Variants in DYNLRB2 observed in about 807,000 individuals in gnomAD.
The protein encoded by DYNLRB2 is dynein light chain roadblock-type 2, also known as bithoraxoid-like protein.
Under a neutral mutation model 12.6 loss-of-function variants are expected in DYNLRB2, and 14 were observed. The observed-to-expected ratio is 1.11, with a 90% confidence interval of 0.73 to 1.73. DYNLRB2 has a LOEUF of 1.73. Among genes scored for constraint, DYNLRB2 ranks in the 40% most tolerant of loss-of-function variants. The pLI, the probability that DYNLRB2 is intolerant of heterozygous loss-of-function variation, is 0.00. For missense variants in DYNLRB2, 142 were observed against 117.7 expected (o/e 1.21, Z -0.95); for synonymous variants, 53 against 37.0 (o/e 1.43, Z -1.57).
intron 1 of DYNLRB2, among the ~76,000 whole-genome samples, chr16:80,542,057 A>C (rs1904293059): frequency 6.6e-6 from 1 of 152,142 alleles, no homozygotes. Flanking sequence ...CCTTAATACC[A>C]CTGTCATTTG....
At chr16:80,541,814 A>AGC (rs1904291105) in intron 1 of DYNLRB2, among the ~76,000 whole-genome samples, 1 of 152,186 alleles carries the variant, frequency 6.6e-6, no homozygotes, top group South Asian at 2.1e-4. Context: ...GGCTGTAAGA[A>AGC]GCTGTGGACA....
rs747329910 is a variant in DYNLRB2, at chr16:80,549,481, T to C, written c.80-3T>C. On this transcript the variant is annotated splice_region_variant and splice_polypyrimidine_tract_variant and intron_variant, in intron 2 of 3. Coordinates refer to ENST00000305904, the MANE Select transcript of DYNLRB2 (RefSeq NM_130897.3). ...TATTAACCAAAATTAAATTTCATAA[T>C]AGGTATTCCCATCCGAACAACCTTG... is the stretch of plus-strand genomic sequence containing the variant. 1 of 1,580,684 alleles carries C rather than the reference T, an allele frequency of 6.3e-7. No homozygotes were observed. The highest frequency in any genetic ancestry group is 1.2e-5 in the South Asian group (1 of 85,896).
intron 2 of DYNLRB2, among the ~76,000 whole-genome samples, chr16:80,545,041 G>A (rs188705093): frequency 5.3e-5 from 8 of 152,226 alleles, no homozygotes; most frequent in African/African-American, 1.4e-4. Flanking sequence ...TGGGGATTTG[G>A]GGGGTCTAGG....
At chr16:80,540,902 G>A (rs551723425), upstream of DYNLRB2, 13 of 1,173,234 alleles carry the variant, frequency 1.1e-5, no homozygotes, top group African/African-American at 1.7e-4. Flanking sequence ...ACGGCGGCCG[G>A]GAGGCATCAG....
chr16:80,543,830 T>C (rs963323826), intron 2 of DYNLRB2, among the ~76,000 whole-genome samples: 1 of 152,240 alleles, frequency 6.6e-6, no homozygotes. Flanking sequence ...ATAGTCTTTG[T>C]GGATATAGCA....
intron 2 of DYNLRB2, chr16:80,548,798 C>A: frequency 1.2e-5 from 4 of 329,312 alleles, no homozygotes; most frequent in South Asian, 2.5e-5. Context: ...GGGTGCAAAC[C>A]ACGGAATGCA....
intron 2 of DYNLRB2, among the ~76,000 whole-genome samples, chr16:80,548,635 T>C (rs763274098): frequency 3.3e-5 from 5 of 151,448 alleles, no homozygotes; most frequent in Non-Finnish European, 5.9e-5. Context: ...GGCAGGAGAA[T>C]TGCTGGAACC....
At position 80,549,657 on chromosome 16, in the gene DYNLRB2, T is replaced by C; in HGVS notation, c.247+6T>C. ...TGAAATCATGGTAGCTCCAGGTAATTTGGCATTTCATTTCCTAGTTAAATC... is the reference window on the plus strand; with the variant it reads ...TGAAATCATGGTAGCTCCAGGTAATCTGGCATTTCATTTCCTAGTTAAATC... On this transcript the variant is annotated splice_donor_region_variant and intron_variant, in intron 3 of 3. Coordinates refer to ENST00000305904, the MANE Select transcript of DYNLRB2 (RefSeq NM_130897.3). The C allele has an allele frequency of 6.3e-7, 1 of 1,578,936 alleles. No individual in the cohort carries two copies. Among genetic ancestry groups the C allele is most frequent in the Non-Finnish European group, 8.6e-7 (1 of 1,156,218 alleles).
chr16:80,540,885 T>C (rs1159734807), upstream of DYNLRB2: 5 of 1,008,046 alleles, frequency 5.0e-6, no homozygotes, highest in Non-Finnish European at 7.7e-6. Flanking sequence ...TCCGCGAACC[T>C]TCGCCTACGG....
chr16:80,550,445 A>C (rs8182107), intron 3 of DYNLRB2, 70 bp from the exon 4 acceptor site: 399,038 of 1,578,860 alleles, frequency 0.25, 51,795 homozygotes, highest in Middle Eastern at 0.38. Context: ...AAGAAAAAAG[A>C]AGACTAGTTG....
chr16:80,547,684 A>G (rs1904563148), intron 2 of DYNLRB2: 1 of 451,450 alleles, frequency 2.2e-6, no homozygotes, highest in South Asian at 1.6e-5. Flanking sequence ...TAGGATGCAA[A>G]ATAAAACTGC....
chr16:80,544,475 G>A (rs1441382825), intron 2 of DYNLRB2, among the ~76,000 whole-genome samples: 1 of 152,180 alleles, frequency 6.6e-6, no homozygotes, highest in Non-Finnish European at 1.5e-5. Context: ...TGCCTTCCAG[G>A]TAAGTCACAA....
At chr16:80,549,198 A>G (rs1304811765) in intron 2 of DYNLRB2, 2 of 358,552 alleles carry the variant, frequency 5.6e-6, no homozygotes, top group East Asian at 1.1e-4. Flanking sequence ...GCAGTTATTA[A>G]AAATAATGTT....
At chr16:80,544,487 C>T (rs1244856038) in intron 2 of DYNLRB2, among the ~76,000 whole-genome samples, 1 of 152,192 alleles carries the variant, frequency 6.6e-6, no homozygotes, top group Non-Finnish European at 1.5e-5. Flanking sequence ...AAGTCACAAA[C>T]TATGCGTAAT....
chr16:80,548,514 G>A (rs1205986718), intron 2 of DYNLRB2, among the ~76,000 whole-genome samples: 2 of 152,106 alleles, frequency 1.3e-5, no homozygotes, highest in Non-Finnish European at 2.9e-5. Flanking sequence ...GATTACCTGA[G>A]GTCAGGAGTT....
intron 2 of DYNLRB2, among the ~76,000 whole-genome samples, chr16:80,547,506 C>CTTA (rs55917302): frequency 0.83 from 126,386 of 151,982 alleles, 55,197 homozygotes; most frequent in Non-Finnish European, 0.98. Flanking sequence ...ACCGTGCACA[C>CTTA]TTATTCAAAA....
intron 1 of DYNLRB2, 149 bp from the exon 2 acceptor site, chr16:80,543,127 T>G: frequency 1.4e-6 from 1 of 710,522 alleles, no homozygotes. Flanking sequence ...TGACAATTTC[T>G]AAGCTGTCTT....
chr16:80,540,952 A>C, upstream of DYNLRB2: 10 of 1,537,690 alleles, frequency 6.5e-6, no homozygotes, highest in Non-Finnish European at 8.9e-6. Context: ...GCGAGCGCGC[A>C]GGCGCAGCCC....
intron 1 of DYNLRB2, among the ~76,000 whole-genome samples, chr16:80,542,261 GCTTT>G (rs904436863): frequency 5.9e-5 from 9 of 152,224 alleles, no homozygotes; most frequent in Admixed American, 5.9e-4. Flanking sequence ...ATTTATTTAA[GCTTT>G]TAGCAGTGAG....
Sources: allele counts gnomAD v4.1 joint callset (sites outside exome capture counted in the v4.1 genomes callset), GRCh38; gene constraint gnomAD v4.1.1; transcripts MANE v1.5; gene names NCBI Gene and HGNC (gene_info 2026-07-23, HGNC 2026-07-21).